BLTP3A: variants seen among roughly 807,000 people sequenced by gnomAD.
BLTP3A encodes the protein bridge-like lipid transfer protein family member 3A.
the BLTP3A span, among the ~76,000 whole-genome samples, chr6:34,828,773 A>G: frequency 6.6e-6 from 1 of 152,040 alleles, no homozygotes; most frequent in Non-Finnish European, 1.5e-5. Context: ...CATGCCTGTA[A>G]TCCCAGCACT....
At chr6:34,809,990 T>G in the BLTP3A span, among the ~76,000 whole-genome samples, 6 of 152,212 alleles carry the variant, frequency 3.9e-5, no homozygotes, top group Admixed American at 6.5e-5. Flanking sequence ...GAAAACATTA[T>G]TCAGAAAATC....
the BLTP3A span, chr6:34,870,766 A>G: frequency 6.8e-6 from 10 of 1,475,766 alleles, 1 homozygote; most frequent in South Asian, 9.2e-5. Flanking sequence ...TTCCTTTGAC[A>G]TAGGGTTATT....
At chr6:34,861,223 T>C in the BLTP3A span, among the ~76,000 whole-genome samples, 1 of 152,134 alleles carries the variant, frequency 6.6e-6, no homozygotes, top group African/African-American at 2.4e-5. Flanking sequence ...CCTCCCAGGT[T>C]CAAGTGATCC....
chr6:34,861,073 T>G, the BLTP3A span, among the ~76,000 whole-genome samples: 1 of 152,198 alleles, frequency 6.6e-6, no homozygotes, highest in South Asian at 2.1e-4. Flanking sequence ...CCTTTTATCC[T>G]ATAGGTGTAA....
At chr6:34,793,919 G>A in the BLTP3A span, among the ~76,000 whole-genome samples, 1 of 117,398 alleles carries the variant, frequency 8.5e-6, no homozygotes, top group African/African-American at 4.4e-5. Flanking sequence ...CTACTTCAAG[G>A]GTACAAAAAA....
chr6:34,827,543 G>A, the BLTP3A span, among the ~76,000 whole-genome samples: 2 of 152,130 alleles, frequency 1.3e-5, no homozygotes, highest in Non-Finnish European at 2.9e-5. Flanking sequence ...CACTACTACT[G>A]AATGCAGTAT....
chr6:34,858,810 G>A, the BLTP3A span: 1 of 1,614,012 alleles, frequency 6.2e-7, no homozygotes, highest in African/African-American at 1.3e-5. Context: ...ATGTTCATAT[G>A]CTTGTACATT....
chr6:34,825,165 C>T, the BLTP3A span, among the ~76,000 whole-genome samples: 1,594 of 152,232 alleles, frequency 0.01, 11 homozygotes, highest in Non-Finnish European at 0.016. Flanking sequence ...CTGATTGTAT[C>T]ATCAAGGTAT....
chr6:34,797,209 A>C, the BLTP3A span, among the ~76,000 whole-genome samples: 1 of 152,214 alleles, frequency 6.6e-6, no homozygotes, highest in South Asian at 2.1e-4. Flanking sequence ...AGCTCTTTTA[A>C]AACCCATCAG....
the BLTP3A span, chr6:34,821,946 T>C: frequency 3.1e-6 from 5 of 1,614,268 alleles, no homozygotes; most frequent in South Asian, 5.5e-5. Flanking sequence ...AGACACACCC[T>C]ATTTGCTTGG....
chr6:34,869,839 G>T, the BLTP3A span, among the ~76,000 whole-genome samples: 1 of 151,724 alleles, frequency 6.6e-6, no homozygotes, highest in Non-Finnish European at 1.5e-5. Flanking sequence ...TTTTTAGACA[G>T]GGTTTCACCA....
chr6:34,833,255 G>A, the BLTP3A span, among the ~76,000 whole-genome samples: 10 of 152,252 alleles, frequency 6.6e-5, no homozygotes, highest in East Asian at 1.3e-3. Context: ...GCAGATTTTG[G>A]TATAGGAGAT....
the BLTP3A span, among the ~76,000 whole-genome samples, chr6:34,851,487 GTC>G: frequency 1.3e-5 from 2 of 152,124 alleles, no homozygotes; most frequent in African/African-American, 4.8e-5. Flanking sequence ...ATATAGCAGT[GTC>G]TCTCCATGCT....
the BLTP3A span, among the ~76,000 whole-genome samples, chr6:34,860,476 G>T: frequency 6.6e-6 from 1 of 152,190 alleles, no homozygotes; most frequent in African/African-American, 2.4e-5. Flanking sequence ...GGTCTCTAAT[G>T]CCTGTGGGTG....
At chr6:34,861,211 G>A in the BLTP3A span, among the ~76,000 whole-genome samples, 2 of 151,296 alleles carry the variant, frequency 1.3e-5, no homozygotes, top group African/African-American at 2.4e-5. Context: ...CTGCAGCCTC[G>A]ACCTCCCAGG....
chr6:34,810,033 G>C, the BLTP3A span, among the ~76,000 whole-genome samples: 1 of 152,156 alleles, frequency 6.6e-6, no homozygotes, highest in African/African-American at 2.4e-5. Flanking sequence ...CAGTTTTTCT[G>C]TACTAAATCT....
chr6:34,792,156 A>C, the BLTP3A span: 4 of 1,177,956 alleles, frequency 3.4e-6, no homozygotes, highest in Non-Finnish European at 4.4e-6. Flanking sequence ...TCCGGTGCTC[A>C]CGCCGCGGCG....
chr6:34,821,314 T>C, the BLTP3A span: 1 of 187,312 alleles, frequency 5.3e-6, no homozygotes, highest in Non-Finnish European at 1.1e-5. Context: ...TTGCCATTGC[T>C]ACAGCTATTG....
chr6:34,823,461 A>C, the BLTP3A span: 23 of 817,284 alleles, frequency 2.8e-5, no homozygotes, highest in Admixed American at 9.1e-5. Context: ...ACTAAAGTAA[A>C]GAAAATGGTA....
Sources: allele counts gnomAD v4.1 joint callset (sites outside exome capture counted in the v4.1 genomes callset), GRCh38; gene constraint gnomAD v4.1.1; transcripts MANE v1.5; gene names NCBI Gene and HGNC (gene_info 2026-07-23, HGNC 2026-07-21).